ADAMTS14: variants seen among roughly 807,000 people sequenced by gnomAD.
ADAMTS14 encodes the protein ADAM metallopeptidase with thrombospondin type 1 motif 14.
ADAMTS14 carries 100 observed loss-of-function variants against 128.6 expected under a neutral mutation model. The observed-to-expected ratio is 0.78, with a 90% CI of 0.66 to 0.92. ADAMTS14 has a LOEUF of 0.92. ADAMTS14 is among the 40% of genes least tolerant of loss of function. The pLI is 0.00. For missense variants in ADAMTS14, 1,562 were observed against 1,658.6 expected (o/e 0.94, Z 1.01); for synonymous variants, 665 against 653.8 (o/e 1.02, Z -0.26).
rs757942737 is a variant in ADAMTS14, at chr10:70,749,810, C to G, written c.2264-12C>G. ...GCAGAAATCTGTGTGACCCTCTCCC[C>G]CCACCGGTCAGTGGTGAAGAACCAG... On this transcript the variant is annotated splice_polypyrimidine_tract_variant and intron_variant, in intron 15 of 21. Coordinates refer to ENST00000373207, the MANE Select transcript of ADAMTS14 (RefSeq NM_080722.4). 8.1e-6 allele frequency: 13 copies of G among 1,613,018 alleles called. No homozygotes were observed. The highest frequency in any genetic ancestry group is 1.3e-5 in the African/African-American group (1 of 74,866).
At position 70,700,745 on chromosome 10, in the gene ADAMTS14, G is replaced by A. The variant is rs114737101; in HGVS notation, c.523-1567G>A. Among the ~76,000 whole-genome samples the A allele has an allele frequency of 9.4e-3, 1,427 of 152,296 alleles. 26 individuals are homozygous for A. The highest frequency in any genetic ancestry group is 0.032 in the African/African-American group (1,345 of 41,558). ...ACAGATGGCACCTCCTTTGGGACAC[G>A]TGTCCACACTTCGTCATAGCACCGG... On this transcript the variant is annotated intron_variant, in intron 2 of 21. Coordinates refer to ENST00000373207, the MANE Select transcript of ADAMTS14 (RefSeq NM_080722.4).
chr10:70,702,544 A>G lies in ADAMTS14; in HGVS notation c.679+76A>G. ...TGTTTCCCGGTCACTTCTGTCCTTA[A>G]GCTGTCCATGTCTGGCCTCAGTCTT... On this transcript the variant is annotated intron_variant, in intron 3 of 21. Coordinates refer to ENST00000373207, the MANE Select transcript of ADAMTS14 (RefSeq NM_080722.4). 2.0e-6 allele frequency: 3 copies of G among 1,517,538 alleles called. No homozygotes were observed. In the South Asian group the frequency reaches 4.0e-5, roughly 20 times the overall value. 94.0% of individuals were successfully genotyped at this position (1,517,538 alleles called of 1,614,324 possible).
chr10:70,736,525 T>C (rs551842327), intron 9 of ADAMTS14, among the ~76,000 whole-genome samples, 155 bp from the exon 10 acceptor site: 1 of 152,258 alleles, frequency 6.6e-6, no homozygotes, highest in East Asian at 1.9e-4. Context: ...TACTTGGAGT[T>C]GAGTAAACTT....
chr10:70,709,107 A>G (rs1052404983), intron 4 of ADAMTS14, among the ~76,000 whole-genome samples: 3 of 152,224 alleles, frequency 2.0e-5, no homozygotes, highest in Non-Finnish European at 4.4e-5. Context: ...ATTCAGAGTC[A>G]GGGTCAGGCG....
At chr10:70,716,458 G>A (rs967343822) in intron 4 of ADAMTS14, among the ~76,000 whole-genome samples, 1 of 152,200 alleles carries the variant, frequency 6.6e-6, no homozygotes, top group African/African-American at 2.4e-5. Context: ...GGCTTCCCCC[G>A]AACAGGTGCA....
chr10:70,753,835 G>T lies in ADAMTS14; in HGVS notation c.2765G>T (p.Ser922Ile). The change falls in exon 19 of 22, where the codon AGC becomes ATC. Residue 922 changes from serine to isoleucine, a missense_variant. Transcript: ENST00000373207. ...GAGGAGTGGGGTGCCTGCAGCCGGA[G>T]CTGTGGGAAGCTGGGGGTGCAGACA... Reference protein sequence around the residue: ...VTEEWGACSRSCGKLGVQTRG... With the variant: ...VTEEWGACSRICGKLGVQTRG... The T allele has an allele frequency of 6.3e-7, 1 of 1,591,486 alleles. No homozygotes were observed. Among genetic ancestry groups the T allele is most frequent in the Non-Finnish European group, 8.5e-7 (1 of 1,170,030 alleles).
rs1175868595 is a variant in ADAMTS14 at position 70,760,886 on chromosome 10, A to G, written c.*33A>G. 8 of 1,531,632 alleles carry G rather than the reference A, an allele frequency of 5.2e-6. No individual in the cohort carries two copies. The African/African-American group carries it at 5.5e-5, about 11-fold the overall frequency. The allele number at this position is 1,531,632 out of a possible 1,614,324, so 94.9% of individuals were successfully genotyped here. A position where few individuals can be genotyped will look rare whatever the true frequency, so the allele number is the denominator to read the frequency against. On this transcript the variant is annotated 3_prime_UTR_variant, in exon 22 of 22. Coordinates refer to ENST00000373207, the MANE Select transcript of ADAMTS14 (RefSeq NM_080722.4). ...CCTGCCATCCCACTGGCACGTTTAC[A>G]CTCTGTGTACTGCCCCGTGACTCCC...
intron 11 of ADAMTS14, among the ~76,000 whole-genome samples, chr10:70,740,651 C>A (rs1418007858): frequency 2.0e-5 from 3 of 152,152 alleles, no homozygotes; most frequent in Non-Finnish European, 4.4e-5. Flanking sequence ...GTTGAAGGCA[C>A]CCACAAAGAT....
intron 14 of ADAMTS14, among the ~76,000 whole-genome samples, chr10:70,744,676 G>T (rs1842120424): frequency 6.6e-6 from 1 of 152,178 alleles, no homozygotes; most frequent in African/African-American, 2.4e-5. Context: ...AAAAGAACCA[G>T]ATATCAGTCC....
intron 2 of ADAMTS14, among the ~76,000 whole-genome samples, chr10:70,701,444 G>A (rs550296656): frequency 3.3e-5 from 5 of 152,310 alleles, no homozygotes; most frequent in South Asian, 2.1e-4. Flanking sequence ...CATCCACCAC[G>A]GTAGGTGGGC....
At chr10:70,684,710 AAGGAAACTG>A (rs1839906015) in intron 2 of ADAMTS14, among the ~76,000 whole-genome samples, 1 of 152,238 alleles carries the variant, frequency 6.6e-6, no homozygotes, top group Admixed American at 6.5e-5. Flanking sequence ...TAGAATAAAT[AAGGAAACTG>A]AGGCAGGATC....
intron 4 of ADAMTS14, among the ~76,000 whole-genome samples, chr10:70,728,576 G>C (rs1841518534): frequency 6.6e-6 from 1 of 152,250 alleles, no homozygotes; most frequent in African/African-American, 2.4e-5. Flanking sequence ...GGAGCTTCCT[G>C]GCAGAGGAGT....
At position 70,734,028 on chromosome 10, in the gene ADAMTS14, C is replaced by T. The variant is rs762559142; in HGVS notation, c.1352C>T (p.Pro451Leu). The change falls in exon 8 of 22, where the codon CCC (proline) becomes CTC (leucine). Residue 451 changes from proline (P) to leucine (L), a missense_variant and splice_region_variant. Physicochemically the swap from Pro to Leu is moderately conservative, Grantham distance 98. Coordinates refer to ENST00000373207, the MANE Select transcript of ADAMTS14 (RefSeq NM_080722.4). The stretch of plus-strand genomic sequence containing the variant: ...AAGCTGGAGCTCAGCCGCTACCTCC[C>T]GTAGGTCATTCCTGCCCTCAGAGCT... The part of the protein sequence containing the change: ...CSKLELSRYL[P>L]SYDCLLDDPF... 4.2e-5 allele frequency: 68 copies of T among 1,611,992 alleles called. 1 individual carries two copies. Among genetic ancestry groups the T allele is most frequent in the East Asian group, 3.6e-4 (16 of 44,868 alleles).
intron 11 of ADAMTS14, among the ~76,000 whole-genome samples, chr10:70,739,452 CT>C (rs1271625269): frequency 6.6e-6 from 1 of 152,038 alleles, no homozygotes; most frequent in African/African-American, 2.4e-5. Flanking sequence ...TTCCCCACCC[CT>C]GAGTTTTAGC....
In ADAMTS14 at chr10:70,753,991, T is replaced by C; in HGVS notation, c.2921T>C (p.Leu974Pro). 1.3e-6 allele frequency: 2 copies of C among 1,567,758 alleles called. No homozygotes were observed. The highest frequency in any genetic ancestry group is 8.6e-7 in the Non-Finnish European group (1 of 1,159,156). ...GTGCCCTGCCCAGCCCAGTGGAGGC[T>C]GGGAGCCTGGTCCCAGGTGACTTGT... ...LRVPCPAQWRLGAWSQCSATC... is the reference protein window; with the variant it reads ...LRVPCPAQWRPGAWSQCSATC... Residue 974 changes from leucine to proline, a missense_variant, in exon 19 of 22, where the codon CTG (leucine) becomes CCG (proline). By Grantham distance (98) the Leu-to-Pro change is moderately conservative (BLOSUM62 -3). Transcript: ENST00000373207.
chr10:70,718,973 G>A (rs975768900), intron 4 of ADAMTS14, among the ~76,000 whole-genome samples: 12 of 152,028 alleles, frequency 7.9e-5, no homozygotes, highest in African/African-American at 2.4e-4. Flanking sequence ...TGGGATTACA[G>A]GTATGAGCCA....
chr10:70,759,118 C>G (rs567453116), intron 21 of ADAMTS14, among the ~76,000 whole-genome samples: 1 of 41,930 alleles, frequency 2.4e-5, no homozygotes, highest in Non-Finnish European at 5.7e-5. Flanking sequence ...GACCTTCTAC[C>G]TCCAATCTTC....
chr10:70,681,195 A>C (rs1271177312), intron 2 of ADAMTS14, among the ~76,000 whole-genome samples: 1 of 152,212 alleles, frequency 6.6e-6, no homozygotes, highest in Non-Finnish European at 1.5e-5. Context: ...GATTTGTGGG[A>C]ATACAGGGAA....
chr10:70,739,658 A>G (rs1589321803), intron 11 of ADAMTS14, among the ~76,000 whole-genome samples: 1 of 152,126 alleles, frequency 6.6e-6, no homozygotes, highest in Non-Finnish European at 1.5e-5. Flanking sequence ...CTAGGAATGC[A>G]GGAGTTCTGA....
Sources: gnomAD v4.1 joint callset for allele counts (sites outside exome capture counted in the v4.1 genomes callset) on GRCh38, gnomAD v4.1.1 for gene constraint, MANE v1.5 for transcripts, NCBI Gene and HGNC (gene_info 2026-07-23, HGNC 2026-07-21) for gene names.